Variants in DIP2C observed in about 807,000 individuals in gnomAD.
DIP2C encodes the protein DIP2 acetate--CoA ligase C (putative).
DIP2C carries 33 observed loss-of-function variants against 192.4 expected under a neutral mutation model. The ratio of observed to expected loss-of-function variants is 0.17; its 90% CI spans 0.13 to 0.23. The LOEUF (loss-of-function observed/expected upper bound fraction) is 0.23. DIP2C is among the 10% of genes least tolerant of loss of function. DIP2C has a pLI of 1.00. For missense variants in DIP2C, 1,537 were observed against 2,110.1 expected (o/e 0.73, Z 5.32); for synonymous variants, 979 against 864.1 (o/e 1.13, Z -2.33).
intron 1 of DIP2C, among the ~76,000 whole-genome samples, chr10:567,102 C>A (rs929507984): frequency 1.3e-5 from 2 of 152,230 alleles, no homozygotes; most frequent in African/African-American, 4.8e-5. Flanking sequence ...TCTGGAATTA[C>A]ACGTATCCAG....
chr10:310,446 A>G (rs935745311), intron 31 of DIP2C, among the ~76,000 whole-genome samples: 1 of 152,222 alleles, frequency 6.6e-6, no homozygotes, highest in Non-Finnish European at 1.5e-5. Context: ...CTGTGCGGAG[A>G]AATTTTTACC....
At chr10:428,693 G>A (rs1245349385) in intron 4 of DIP2C, among the ~76,000 whole-genome samples, 1 of 152,026 alleles carries the variant, frequency 6.6e-6, no homozygotes, top group Admixed American at 6.6e-5. Context: ...ATCAATCTGA[G>A]TAAATTTTGA....
At chr10:348,266 G>C (rs529096081) in intron 26 of DIP2C, among the ~76,000 whole-genome samples, 1 of 152,214 alleles carries the variant, frequency 6.6e-6, no homozygotes, top group Admixed American at 6.5e-5. Flanking sequence ...TTTCAAAAAG[G>C]AGCAGGAAAC....
In DIP2C at chr10:511,061, C is replaced by T. The variant is rs538207208; in HGVS notation, c.86-24531G>A. On this transcript the variant is annotated intron_variant, in intron 1 of 36. Transcript: ENST00000280886. ...CTTTGTTCAAGAGGTTTAAGACACACGTAAGTCTTTCTTGCCATGCTCAAT... is the reference window on the plus strand; with the variant it reads ...CTTTGTTCAAGAGGTTTAAGACACATGTAAGTCTTTCTTGCCATGCTCAAT... Among the ~76,000 whole-genome samples, 191 of 152,362 alleles carry T rather than the reference C, an allele frequency of 1.3e-3. 2 individuals are homozygous for T. The highest frequency in any genetic ancestry group is 1.2e-3 in the South Asian group (6 of 4,828).
intron 1 of DIP2C, among the ~76,000 whole-genome samples, chr10:492,033 A>C (rs1187850173): frequency 6.6e-6 from 1 of 152,096 alleles, no homozygotes; most frequent in Admixed American, 6.5e-5. Flanking sequence ...CGACCCCAGA[A>C]AACAGGGGCT....
At chr10:378,646 GACAC>G (rs10578590) in intron 17 of DIP2C, among the ~76,000 whole-genome samples, 1 of 150,164 alleles carries the variant, frequency 6.7e-6, no homozygotes, top group African/African-American at 2.5e-5. Context: ...CATGCATAAA[GACAC>G]ACATGAACAG....
At chr10:544,067 T>A (rs1178286990) in intron 1 of DIP2C, among the ~76,000 whole-genome samples, 2 of 152,218 alleles carry the variant, frequency 1.3e-5, no homozygotes, top group African/African-American at 4.8e-5. Context: ...ACTGGTATCG[T>A]ACAGTGCGTG....
chr10:320,107 T>C (rs934123595), intron 31 of DIP2C, among the ~76,000 whole-genome samples: 5 of 152,354 alleles, frequency 3.3e-5, no homozygotes, highest in Middle Eastern at 3.4e-3. Context: ...TATGAGCTTT[T>C]AGCTGGTGAA....
At chr10:539,710 C>T (rs936112237) in intron 1 of DIP2C, among the ~76,000 whole-genome samples, 1 of 152,212 alleles carries the variant, frequency 6.6e-6, no homozygotes, top group Non-Finnish European at 1.5e-5. Context: ...ACTGATCTAA[C>T]TAGTCATTCC....
chr10:285,603 G>A (rs1303577261), intron 34 of DIP2C, among the ~76,000 whole-genome samples: 4 of 152,244 alleles, frequency 2.6e-5, no homozygotes, highest in Non-Finnish European at 5.9e-5. Context: ...GGCGGAAGGA[G>A]GACGCATGAG....
rs1954578294 is a variant in DIP2C, at chr10:277,565, G to A, written c.4431C>T (p.Thr1477=). ...HKSVTECAVF[T]WTNLLVVVVE... Reference sequence around the variant, plus strand: ...CCACAACCACCAACAAATTTGTCCAGGTAAACACAGCACTAAAAGACAGAA... The same window carrying A: ...CCACAACCACCAACAAATTTGTCCAAGTAAACACAGCACTAAAAGACAGAA... Residue 1477 remains threonine (T), a synonymous_variant, in exon 37 of 37, where the codon ACC becomes ACT. Coordinates refer to ENST00000280886, the MANE Select transcript of DIP2C (RefSeq NM_014974.3). The A allele has an allele frequency of 1.9e-6, 3 of 1,613,916 alleles. No homozygotes were observed. Among genetic ancestry groups the A allele is most frequent in the East Asian group, 4.5e-5 (2 of 44,884 alleles).
intron 2 of DIP2C, among the ~76,000 whole-genome samples, chr10:478,710 G>A (rs1588242695): frequency 6.6e-6 from 1 of 152,030 alleles, no homozygotes; most frequent in Non-Finnish European, 1.5e-5. Flanking sequence ...CTCATCTCGT[G>A]TCCGGGCGTG....
At chr10:326,739 G>A (rs564568018) in intron 31 of DIP2C, among the ~76,000 whole-genome samples, 1 of 152,290 alleles carries the variant, frequency 6.6e-6, no homozygotes, top group South Asian at 2.1e-4. Flanking sequence ...AACAGCAGAG[G>A]TCTGGACAAA....
At chr10:582,908 T>C (rs1182025510) in intron 1 of DIP2C, among the ~76,000 whole-genome samples, 1 of 152,198 alleles carries the variant, frequency 6.6e-6, no homozygotes, top group Non-Finnish European at 1.5e-5. Context: ...GAAGGTACCA[T>C]TTTCAAATAA....
rs201092214 is a variant in DIP2C at position 486,526 on chromosome 10, G to A, written c.90C>T (p.Asp30=). 455 of 1,605,018 alleles carry A rather than the reference G, an allele frequency of 2.8e-4. 1 individual carries two copies. In the South Asian group the frequency reaches 3.0e-3, roughly 10 times the overall value. ...TCTTTTCATATCCTTTTTGTGTGAT[G>A]TCACCTGCAAGAGAAGGAAAATGAA... ...AELELELSEG[D]ITQKGYEKKR... Residue 30 remains aspartate, a synonymous_variant, in exon 2 of 37, where the codon GAC becomes GAT. Coordinates refer to ENST00000280886, the MANE Select transcript of DIP2C (RefSeq NM_014974.3).
intron 26 of DIP2C, among the ~76,000 whole-genome samples, 200 bp from the exon 27 acceptor site, chr10:345,310 C>A (rs1958386148): frequency 6.6e-6 from 1 of 152,152 alleles, no homozygotes. Flanking sequence ...GGGCATGCGG[C>A]CTGAAGCTGC....
intron 14 of DIP2C, among the ~76,000 whole-genome samples, chr10:384,999 G>A (rs1013507169): frequency 6.7e-5 from 10 of 149,140 alleles, no homozygotes; most frequent in African/African-American, 1.7e-4. Context: ...GCAAGGGCCC[G>A]GAAGAGCAGC....
At chr10:478,847 T>C (rs534186847) in intron 2 of DIP2C, among the ~76,000 whole-genome samples, 14 of 152,130 alleles carry the variant, frequency 9.2e-5, no homozygotes, top group East Asian at 3.9e-4. Context: ...GGGGTGCAGA[T>C]AGCAACGTCT....
rs565425419 is a variant in DIP2C, at chr10:314,309, G to A, written c.3925-4217C>T. 2.6e-5 allele frequency among the ~76,000 whole-genome samples: 4 copies of A among 152,268 alleles called. No homozygotes were observed. In the East Asian group the frequency reaches 7.7e-4, roughly 29 times the overall value. On this transcript the variant is annotated intron_variant, in intron 31 of 36. Coordinates refer to ENST00000280886, the MANE Select transcript of DIP2C (RefSeq NM_014974.3). Reference sequence around the variant, plus strand: ...TGTAACAATTTCCCACTGATCTTGGGAAAAGGACCAGTGCTTGGTGCAGCC... The same window carrying A: ...TGTAACAATTTCCCACTGATCTTGGAAAAAGGACCAGTGCTTGGTGCAGCC...
Sources: gnomAD v4.1 joint callset for allele counts (sites outside exome capture counted in the v4.1 genomes callset) on GRCh38, gnomAD v4.1.1 for gene constraint, MANE v1.5 for transcripts, NCBI Gene and HGNC (gene_info 2026-07-23, HGNC 2026-07-21) for gene names.